Variants in HSF2 observed in about 807,000 individuals in gnomAD.
The protein encoded by HSF2 is heat shock transcription factor 2, also known as heat shock factor protein 2.
Under a neutral mutation model 65.0 loss-of-function variants are expected in HSF2, and 21 were observed. The ratio of observed to expected loss-of-function variants is 0.32; its 90% CI spans 0.23 to 0.47. The LOEUF (loss-of-function observed/expected upper bound fraction) is 0.47. HSF2 is among the 20% of genes least tolerant of loss of function. The pLI, the probability that HSF2 is intolerant of heterozygous loss-of-function variation, is 1.00. For synonymous variants in HSF2, 225 were observed against 219.1 expected, an observed-to-expected ratio of 1.03 and a Z score of -0.24; for missense variants, 499 against 628.1, an observed-to-expected ratio of 0.79 and a Z score of 2.20.
chr6:122,424,381 TTC>T (rs1323094772), intron 10 of HSF2, among the ~76,000 whole-genome samples: 1 of 152,048 alleles, frequency 6.6e-6, no homozygotes, highest in Non-Finnish European at 1.5e-5. Context: ...GTGAACAGTT[TTC>T]TCTCTTTATC....
chr6:122,399,863 C>T lies in HSF2; in HGVS notation c.93+33C>T. 6 of 1,494,018 alleles carry T rather than the reference C, an allele frequency of 4.0e-6. 1 individual carries two copies. The highest frequency in any genetic ancestry group is 3.4e-5 in the South Asian group (3 of 88,238). The allele number at this position is 1,494,018 out of a possible 1,614,324, so 92.5% of individuals were successfully genotyped here. On this transcript the variant is annotated intron_variant, in intron 1 of 12. Coordinates refer to ENST00000368455, the MANE Select transcript of HSF2 (RefSeq NM_004506.4). Reference sequence around the variant, plus strand: ...CAGGCCACGGCGGCCTCTGAACCCCCTGAATAACCGCCTCCTCACTCGCTC... The same window carrying T: ...CAGGCCACGGCGGCCTCTGAACCCCTTGAATAACCGCCTCCTCACTCGCTC...
rs1184015729 is a variant in HSF2, at chr6:122,417,670, A to G, written c.531+1374A>G. Among the ~76,000 whole-genome samples, 5 of 152,196 alleles carry G rather than the reference A, an allele frequency of 3.3e-5. No individual in the cohort carries two copies. The South Asian group carries it at 8.3e-4, about 25-fold the overall frequency. On this transcript the variant is annotated intron_variant, in intron 5 of 12. Transcript: ENST00000368455. ...ACATGCTGTAAGTGTTAGACGCCTT[A>G]TCTTCTTCAGATAAAAATCCCTGTG...
chr6:122,422,694 T>C, intron 8 of HSF2, 24 bp from the exon 9 acceptor site: 10 of 1,609,722 alleles, frequency 6.2e-6, no homozygotes, highest in Non-Finnish European at 8.5e-6. Context: ...ATGTAATAGG[T>C]TCCTTCTTTT....
chr6:122,426,393 T>C (rs899047508), intron 10 of HSF2, among the ~76,000 whole-genome samples: 1 of 152,000 alleles, frequency 6.6e-6, no homozygotes, highest in African/African-American at 2.4e-5. Context: ...TAGGAATACA[T>C]GTAGGATATC....
At chr6:122,405,177 G>A (rs1411068752) in intron 1 of HSF2, among the ~76,000 whole-genome samples, 1 of 151,242 alleles carries the variant, frequency 6.6e-6, no homozygotes, top group African/African-American at 2.4e-5. Flanking sequence ...TCTGGGTACT[G>A]GGGAGGCTGA....
intron 1 of HSF2, among the ~76,000 whole-genome samples, chr6:122,403,044 C>T (rs1448662590): frequency 6.6e-6 from 1 of 150,882 alleles, no homozygotes; most frequent in Non-Finnish European, 1.5e-5. Flanking sequence ...TAATTTATTT[C>T]TCTACCTTGA....
At position 122,399,745 on chromosome 6, in the gene HSF2, A is replaced by G. The variant is rs2114411303; in HGVS notation, c.8A>G (p.Gln3Arg). 3 of 1,611,476 alleles carry G rather than the reference A, an allele frequency of 1.9e-6. No individual in the cohort carries two copies. Among genetic ancestry groups the G allele is most frequent in the Non-Finnish European group, 1.7e-6 (2 of 1,178,886 alleles). Reference protein sequence around the residue: MKQSSNVPAFLSK... With the variant: MKRSSNVPAFLSK... ...CCCTGCGCCGCGTTAACAATGAAGC[A>G]GAGTTCGAACGTGCCGGCTTTCCTC... The change falls in exon 1 of 13, where the codon CAG becomes CGG. Residue 3 changes from glutamine to arginine, a missense_variant. Gln to Arg is a conservative substitution (Grantham distance 43). This residue lies in a region of HSF2 where 150 missense variants were observed against 234.6 expected (regional missense o/e 0.64). Coordinates refer to ENST00000368455, the MANE Select transcript of HSF2 (RefSeq NM_004506.4).
chr6:122,399,555 G>A, upstream of HSF2: 1 of 573,812 alleles, frequency 1.7e-6, no homozygotes, highest in African/African-American at 2.0e-5. Context: ...GCGGAGACTT[G>A]TCCGTCACGT....
rs1317106193 is a variant in HSF2, at chr6:122,412,445, A to G, written c.166A>G (p.Asn56Asp). The G allele has an allele frequency of 6.2e-7, 1 of 1,611,932 alleles. No homozygotes were observed. The highest frequency in any genetic ancestry group is 1.3e-5 in the African/African-American group (1 of 74,820). The change falls in exon 2 of 13, where the codon AAT becomes GAT. Residue 56 changes from asparagine to aspartate, a missense_variant. Physicochemically the swap from Asn to Asp is conservative, Grantham distance 23 (BLOSUM62 1). Coordinates refer to ENST00000368455, the MANE Select transcript of HSF2 (RefSeq NM_004506.4). ...AATTCTTCCCAAATATTTCAAGCAC[A>G]ATAATATGGCAAGCTTTGTGAGGCA... ...KEILPKYFKH[N>D]NMASFVRQLN...
intron 10 of HSF2, among the ~76,000 whole-genome samples, chr6:122,424,322 G>T (rs986504093): frequency 1.3e-5 from 2 of 151,804 alleles, no homozygotes; most frequent in Admixed American, 6.6e-5. Flanking sequence ...TACGTGGTCT[G>T]GTCGCGCTTA....
At chr6:122,427,580 G>GA (rs1210334690) in intron 10 of HSF2, among the ~76,000 whole-genome samples, 4 of 151,446 alleles carry the variant, frequency 2.6e-5, no homozygotes, top group Admixed American at 1.3e-4. Flanking sequence ...GACATTTAGA[G>GA]AAAAAAAATA....
intron 7 of HSF2, among the ~76,000 whole-genome samples, chr6:122,421,799 G>A (rs770933155): frequency 6.6e-6 from 1 of 152,016 alleles, no homozygotes; most frequent in African/African-American, 2.4e-5. Flanking sequence ...CTGTCTGGTC[G>A]TGCTTGAAGT....
Position 122,422,887 on chromosome 6 carries a change from A to C in HSF2, c.1000A>C (p.Ser334Arg), listed in dbSNP as rs1434435971. ...TGCTGTCCAGCTAAATGGCTCATCC[A>C]GTCTGACCTCAGAAGATCCAGTGAC... The part of the protein sequence containing the change: ...SSAVQLNGSS[S>R]LTSEDPVTMM... The change falls in exon 9 of 13, where the codon AGT becomes CGT. Residue 334 changes from serine (S) to arginine (R), a missense_variant. Ser to Arg is a moderately radical substitution (Grantham distance 110). This residue lies in a region of HSF2 where 349 missense variants were observed against 393.5 expected (regional missense o/e 0.89). Transcript: ENST00000368455. 1.2e-6 allele frequency: 2 copies of C among 1,613,668 alleles called. No individual in the cohort carries two copies. The highest frequency in any genetic ancestry group is 1.7e-6 in the Non-Finnish European group (2 of 1,179,730).
intron 7 of HSF2, among the ~76,000 whole-genome samples, chr6:122,420,623 A>C: frequency 1.3e-5 from 1 of 75,516 alleles, no homozygotes; most frequent in East Asian, 4.5e-4. Context: ...TGTGCATATC[A>C]TTTTATAGTG....
chr6:122,400,742 A>G (rs1406163911), intron 1 of HSF2, among the ~76,000 whole-genome samples: 1 of 152,214 alleles, frequency 6.6e-6, no homozygotes, highest in Non-Finnish European at 1.5e-5. Context: ...TCCACAGTGC[A>G]TGTGCATTAG....
chr6:122,405,037 A>G (rs1451959572), intron 1 of HSF2, among the ~76,000 whole-genome samples: 6 of 152,150 alleles, frequency 3.9e-5, no homozygotes, highest in Non-Finnish European at 7.4e-5. Context: ...ATGACCTAAT[A>G]TTGTGCTAGG....
intron 1 of HSF2, among the ~76,000 whole-genome samples, chr6:122,408,544 T>C (rs1033838961): frequency 6.6e-6 from 1 of 152,146 alleles, no homozygotes; most frequent in African/African-American, 2.4e-5. Context: ...AATGGTGTTC[T>C]TGACTTAAAA....
intron 10 of HSF2, 39 bp downstream of exon 10, chr6:122,423,725 G>GC: frequency 9.0e-7 from 1 of 1,111,300 alleles, no homozygotes; most frequent in Non-Finnish European, 1.3e-6. Context: ...CTGGTAGTTT[G>GC]TGTGTTTATG....
intron 1 of HSF2, 48 bp downstream of exon 1, chr6:122,399,878 C>T: frequency 7.4e-7 from 1 of 1,350,874 alleles, no homozygotes; most frequent in South Asian, 1.2e-5. Context: ...TAACCGCCTC[C>T]TCACTCGCTC....
Sources: allele counts gnomAD v4.1 joint callset (sites outside exome capture counted in the v4.1 genomes callset), GRCh38; gene constraint gnomAD v4.1.1; regional missense constraint gnomAD v4.1.1; transcripts MANE v1.5; gene names NCBI Gene and HGNC (gene_info 2026-07-23, HGNC 2026-07-21).